FARP1: variants seen among roughly 807,000 people sequenced by gnomAD.
FARP1 encodes FERM, ARH/RhoGEF and pleckstrin domain protein 1, also known as FERM, ARHGEF and pleckstrin domain-containing protein 1.
Under a neutral mutation model 128.8 loss-of-function variants are expected in FARP1, and 52 were observed. That is an observed-to-expected ratio of 0.40 (90% confidence interval 0.32 to 0.51). FARP1 has a LOEUF of 0.51. FARP1 is among the 20% of genes least tolerant of loss of function. FARP1 has a pLI of 0.45. For synonymous variants in FARP1, 580 were observed against 551.8 expected (o/e 1.05, Z -0.72); for missense variants, 1,333 against 1,367.9 (o/e 0.97, Z 0.40).
intron 14 of FARP1, 101 bp downstream of exon 14, chr13:98,409,626 C>A: frequency 9.4e-7 from 1 of 1,065,552 alleles, no homozygotes; most frequent in Non-Finnish European, 1.3e-6. Context: ...GCAAAGGTAC[C>A]ATGTGAGCCA....
intron 1 of FARP1, among the ~76,000 whole-genome samples, chr13:98,168,198 A>G (rs1184008688): frequency 6.6e-6 from 1 of 152,002 alleles, no homozygotes; most frequent in Admixed American, 6.6e-5. Context: ...ATAAATAAAT[A>G]AAAAAGTTTT....
intron 2 of FARP1, among the ~76,000 whole-genome samples, chr13:98,295,722 A>C (rs1327762197): frequency 6.6e-6 from 1 of 152,196 alleles, no homozygotes; most frequent in Non-Finnish European, 1.5e-5. Flanking sequence ...AATAAAGGTC[A>C]GTTCAGATTT....
At chr13:98,285,272 C>T (rs899784518) in intron 2 of FARP1, among the ~76,000 whole-genome samples, 6 of 152,124 alleles carry the variant, frequency 3.9e-5, no homozygotes, top group African/African-American at 1.4e-4. Flanking sequence ...CCCCCCATAA[C>T]CTGGAGGCAT....
intron 2 of FARP1, among the ~76,000 whole-genome samples, chr13:98,278,527 CA>C (rs1277740633): frequency 2.6e-5 from 4 of 152,038 alleles, no homozygotes; most frequent in Admixed American, 6.6e-5. Context: ...GGTTGAGATC[CA>C]GAGCTGTGTC....
chr13:98,403,425 G>A (rs1235426510), intron 13 of FARP1: 1 of 152,200 alleles, frequency 6.6e-6, no homozygotes, highest in Non-Finnish European at 1.5e-5. Flanking sequence ...CCATGGATTT[G>A]CCTTTATGTT....
chr13:98,148,258 ATCCCAGCTACT>A (rs1229858475), intron 1 of FARP1, among the ~76,000 whole-genome samples: 2 of 152,130 alleles, frequency 1.3e-5, no homozygotes, highest in African/African-American at 4.8e-5. Context: ...CGTGACTGTA[ATCCCAGCTACT>A]CGGGAGGCTG....
At chr13:98,415,374 G>A (rs1891336414) in intron 16 of FARP1, among the ~76,000 whole-genome samples, 2 of 152,218 alleles carry the variant, frequency 1.3e-5, no homozygotes, top group African/African-American at 4.8e-5. Context: ...TGGTTTGCAT[G>A]CCATAGACTG....
chr13:98,156,734 T>A (rs144980316), intron 1 of FARP1, among the ~76,000 whole-genome samples: 15 of 152,100 alleles, frequency 9.9e-5, no homozygotes, highest in African/African-American at 3.6e-4. Context: ...TTTAAATTTT[T>A]ATTTTTTTAA....
At chr13:98,339,565 A>G (rs1316543551) in intron 2 of FARP1, among the ~76,000 whole-genome samples, 1 of 152,174 alleles carries the variant, frequency 6.6e-6, no homozygotes, top group Non-Finnish European at 1.5e-5. Flanking sequence ...GCCCTTAGTG[A>G]TGTTACATAC....
chr13:98,308,029 C>CTT (rs1886253580), intron 2 of FARP1, among the ~76,000 whole-genome samples: 1 of 114,930 alleles, frequency 8.7e-6, no homozygotes, highest in African/African-American at 3.7e-5. Flanking sequence ...CCCCCACTCT[C>CTT]TCTCTTTTTT....
chr13:98,450,471 G>A lies in FARP1; in HGVS notation c.*2154G>A, dbSNP rs1396073744. On this transcript the variant is annotated 3_prime_UTR_variant, in exon 27 of 27. Coordinates refer to ENST00000319562, the MANE Select transcript of FARP1 (RefSeq NM_005766.4). Reference sequence around the variant, plus strand: ...ATAAGGAAGGCAGATGCACTTCCAAGAAAATCAGAACCCAGCAAGAAGTGG... The same window carrying A: ...ATAAGGAAGGCAGATGCACTTCCAAAAAAATCAGAACCCAGCAAGAAGTGG... 6.6e-6 allele frequency: 1 copy of A among 152,288 alleles called. No homozygotes were observed. Among genetic ancestry groups the A allele is most frequent in the Admixed American group, 6.5e-5 (1 of 15,286 alleles). 9.4% of individuals were successfully genotyped at this position (152,288 alleles called of 1,614,324 possible).
At chr13:98,340,948 AGAG>A (rs1887944791) in intron 2 of FARP1, 2 of 152,264 alleles carry the variant, frequency 1.3e-5, no homozygotes, top group African/African-American at 4.8e-5. Context: ...TGCCTGGAGA[AGAG>A]GAGAGCTTGG....
intron 8 of FARP1, among the ~76,000 whole-genome samples, chr13:98,386,745 T>C (rs77155812): frequency 0.018 from 2,664 of 151,906 alleles, 65 homozygotes; most frequent in African/African-American, 0.06. Context: ...GTAAATATGT[T>C]CAGGACCTAA....
At chr13:98,359,684 G>T (rs1888785439) in intron 3 of FARP1, among the ~76,000 whole-genome samples, 1 of 152,210 alleles carries the variant, frequency 6.6e-6, no homozygotes, top group African/African-American at 2.4e-5. Flanking sequence ...TTGCCAGTGT[G>T]TTGGAGTTGG....
At position 98,448,523 on chromosome 13, in the gene FARP1, C is replaced by T. The variant is rs890942515; in HGVS notation, c.*206C>T. ...GCGCTCCCACCTCCAGTCCTGGCATCCGCTGGGGGCGCTGTTCTTTAGCTA... is the reference window on the plus strand; with the variant it reads ...GCGCTCCCACCTCCAGTCCTGGCATTCGCTGGGGGCGCTGTTCTTTAGCTA... On this transcript the variant is annotated 3_prime_UTR_variant, in exon 27 of 27. Transcript: ENST00000319562. The T allele has an allele frequency of 1.7e-6, 1 of 573,028 alleles. No homozygotes were observed. The highest frequency in any genetic ancestry group is 1.9e-5 in the African/African-American group (1 of 53,192). 35.5% of individuals were successfully genotyped at this position (573,028 alleles called of 1,614,324 possible).
chr13:98,222,925 C>T (rs529916680), intron 2 of FARP1, among the ~76,000 whole-genome samples: 5 of 151,968 alleles, frequency 3.3e-5, no homozygotes, highest in South Asian at 2.1e-4. Flanking sequence ...CATGAGCCAC[C>T]GTGCCTGGCC....
chr13:98,417,455 G>GGGGAAAAAAAAA (rs1491453247), intron 16 of FARP1, among the ~76,000 whole-genome samples: 1 of 58,454 alleles, frequency 1.7e-5, no homozygotes, highest in African/African-American at 5.7e-5. Flanking sequence ...CCAGAGGTTT[G>GGGGAAAAAAAAA]AAAAAAAAAA....
At chr13:98,369,867 A>G (rs1017487003) in intron 5 of FARP1, among the ~76,000 whole-genome samples, 2 of 152,188 alleles carry the variant, frequency 1.3e-5, no homozygotes, top group Non-Finnish European at 2.9e-5. Context: ...CATCCCTCTC[A>G]GTACAGAGCA....
intron 3 of FARP1, among the ~76,000 whole-genome samples, chr13:98,353,384 T>C (rs1315557251): frequency 6.6e-6 from 1 of 152,190 alleles, no homozygotes; most frequent in African/African-American, 2.4e-5. Context: ...AGTATTATTA[T>C]TATTACTTTT....
Sources: gnomAD v4.1 joint callset for allele counts (sites outside exome capture counted in the v4.1 genomes callset) on GRCh38, gnomAD v4.1.1 for gene constraint, MANE v1.5 for transcripts, NCBI Gene and HGNC (gene_info 2026-07-23, HGNC 2026-07-21) for gene names.